Variants in RANBP2 observed in about 807,000 individuals in gnomAD.
The protein encoded by RANBP2 is RAN binding protein 2.
Under a neutral mutation model 303.6 loss-of-function variants are expected in RANBP2, and 57 were observed. That is an observed-to-expected ratio of 0.19 (90% CI 0.15 to 0.23). The LOEUF (loss-of-function observed/expected upper bound fraction) is 0.23, where lower values mean the gene tolerates loss of function less well. Ranked by LOEUF, RANBP2 falls within the 10% of genes least tolerant of loss-of-function variation. The pLI is 1.00. For synonymous variants in RANBP2, 1,167 were observed against 1,301.5 expected, an observed-to-expected ratio of 0.90 and a Z score of 2.23; for missense variants, 3,138 against 3,780.8, an observed-to-expected ratio of 0.83 and a Z score of 4.46.
chr2:109,777,524 A>G, the RANBP2 span, among the ~76,000 whole-genome samples: 5 of 127,324 alleles, frequency 3.9e-5, no homozygotes, highest in African/African-American at 1.5e-4. Flanking sequence ...ACAGTTGCCT[A>G]TTTTCTTCTT....
chr2:109,254,656 A>G, the RANBP2 span, among the ~76,000 whole-genome samples: 1 of 151,982 alleles, frequency 6.6e-6, no homozygotes, highest in South Asian at 2.1e-4. Flanking sequence ...GCTGGGTTTC[A>G]CTTCCTGCTG....
chr2:109,239,157 C>T, the RANBP2 span, among the ~76,000 whole-genome samples: 2 of 152,078 alleles, frequency 1.3e-5, no homozygotes, highest in Non-Finnish European at 2.9e-5. Flanking sequence ...GCACTTTGAG[C>T]TTCCCCAGAC....
chr2:109,632,551 C>T, the RANBP2 span, among the ~76,000 whole-genome samples: 1 of 152,210 alleles, frequency 6.6e-6, no homozygotes, highest in African/African-American at 2.4e-5. Flanking sequence ...CAGTGGCTCA[C>T]GCCTATAATC....
At chr2:109,196,613 C>T in the RANBP2 span, among the ~76,000 whole-genome samples, 2 of 152,150 alleles carry the variant, frequency 1.3e-5, no homozygotes, top group Non-Finnish European at 2.9e-5. Context: ...CTTGAAACTC[C>T]GAGTGCTGCT....
At chr2:109,397,376 C>T in the RANBP2 span, among the ~76,000 whole-genome samples, 7 of 152,116 alleles carry the variant, frequency 4.6e-5, no homozygotes, top group Non-Finnish European at 4.4e-5. Context: ...ATTTGCCTAA[C>T]CCAGCTTGTA....
At chr2:109,458,943 A>G in the RANBP2 span, among the ~76,000 whole-genome samples, 1 of 152,146 alleles carries the variant, frequency 6.6e-6, no homozygotes, top group East Asian at 1.9e-4. Context: ...ACTCACCATC[A>G]CCGTCCATCC....
the RANBP2 span, among the ~76,000 whole-genome samples, chr2:109,041,854 A>G: frequency 2.6e-5 from 4 of 151,822 alleles, no homozygotes; most frequent in African/African-American, 9.7e-5. Context: ...TGGATGTTAA[A>G]TTTTATCAAA....
At chr2:109,291,716 C>T in the RANBP2 span, among the ~76,000 whole-genome samples, 1 of 152,276 alleles carries the variant, frequency 6.6e-6, no homozygotes, top group African/African-American at 2.4e-5. Context: ...TCTTTGTCTC[C>T]CAAGCCAGGC....
intron 24 of RANBP2, 79 bp downstream of exon 24, chr2:108,776,015 C>G (rs1677868760): frequency 7.9e-7 from 1 of 1,260,938 alleles, no homozygotes; most frequent in Non-Finnish European, 1.1e-6. Context: ...AAAGGCTGAT[C>G]CTGAAAACTC....
chr2:109,469,289 A>ACCT, the RANBP2 span, among the ~76,000 whole-genome samples: 3 of 152,170 alleles, frequency 2.0e-5, no homozygotes, highest in Non-Finnish European at 4.4e-5. Flanking sequence ...TAAAGACACC[A>ACCT]CCTCACTGTG....
chr2:109,720,679 G>A, the RANBP2 span, among the ~76,000 whole-genome samples: 5 of 152,198 alleles, frequency 3.3e-5, no homozygotes, highest in Non-Finnish European at 7.3e-5. Flanking sequence ...ATTGTTTACA[G>A]TTCTGATGGG....
At chr2:109,400,710 GCA>G in the RANBP2 span, among the ~76,000 whole-genome samples, 28 of 152,338 alleles carry the variant, frequency 1.8e-4, no homozygotes, top group Admixed American at 1.0e-3. Context: ...GCATATGTGT[GCA>G]CACACACAAA....
At chr2:109,169,056 A>T in the RANBP2 span, among the ~76,000 whole-genome samples, 4 of 152,208 alleles carry the variant, frequency 2.6e-5, no homozygotes, top group Non-Finnish European at 4.4e-5. Flanking sequence ...GAGAAGTGGC[A>T]CTAGGAACCA....
the RANBP2 span, among the ~76,000 whole-genome samples, chr2:109,517,015 A>G: frequency 6.6e-6 from 1 of 152,100 alleles, no homozygotes; most frequent in African/African-American, 2.4e-5. Flanking sequence ...AGCCCTACCC[A>G]CTAGGAACAC....
At chr2:108,989,715 C>G in the RANBP2 span, among the ~76,000 whole-genome samples, 1 of 152,166 alleles carries the variant, frequency 6.6e-6, no homozygotes, top group African/African-American at 2.4e-5. Flanking sequence ...CATACACACC[C>G]CCCGTATAAC....
the RANBP2 span, among the ~76,000 whole-genome samples, chr2:109,165,460 G>T: frequency 6.6e-6 from 1 of 152,216 alleles, no homozygotes; most frequent in African/African-American, 2.4e-5. Flanking sequence ...TTGGATGGAA[G>T]GGGAATAGAG....
chr2:109,670,430 T>G, the RANBP2 span, among the ~76,000 whole-genome samples: 2 of 145,084 alleles, frequency 1.4e-5, no homozygotes, highest in Non-Finnish European at 3.0e-5. Context: ...CATCGGGGAG[T>G]GGATTGGGTG....
At chr2:109,170,235 TTCTTTTCTTTTCTCTTCTCTTCTCTTCTC>T in the RANBP2 span, among the ~76,000 whole-genome samples, 129 of 37,888 alleles carry the variant, frequency 3.4e-3, no homozygotes, top group African/African-American at 0.014. Context: ...TTCTCTTCTC[TTCTTTTCTTTTCTCTTCTCTTCTCTTCTC>T]TTCTCTTCTC....
the RANBP2 span, among the ~76,000 whole-genome samples, chr2:109,286,157 C>T: frequency 6.6e-6 from 1 of 152,168 alleles, no homozygotes; most frequent in Non-Finnish European, 1.5e-5. Flanking sequence ...TTTTCCAAGT[C>T]ACTTTATTCA....
Sources: gnomAD v4.1 joint callset for allele counts (sites outside exome capture counted in the v4.1 genomes callset) on GRCh38, gnomAD v4.1.1 for gene constraint, MANE v1.5 for transcripts, NCBI Gene and HGNC (gene_info 2026-07-23, HGNC 2026-07-21) for gene names.